ARHGEF7: variants seen among roughly 807,000 people sequenced by gnomAD.
ARHGEF7 encodes the protein Rho guanine nucleotide exchange factor 7.
In ARHGEF7, 33 loss-of-function variants were observed where a neutral mutation model predicts 109.8. The ratio of observed to expected loss-of-function variants is 0.30; its 90% CI spans 0.23 to 0.40. The LOEUF (loss-of-function observed/expected upper bound fraction) is 0.40. Ranked by LOEUF, ARHGEF7 falls within the 10% of genes least tolerant of loss-of-function variation. The pLI is 1.00. For missense variants in ARHGEF7, 938 were observed against 1,098.5 expected (o/e 0.85, Z 2.07); for synonymous variants, 458 against 424.6 (o/e 1.08, Z -0.97).
At chr13:111,251,315 G>C (rs891458085) in intron 8 of ARHGEF7, among the ~76,000 whole-genome samples, 9 of 152,322 alleles carry the variant, frequency 5.9e-5, no homozygotes, top group Admixed American at 5.2e-4. Context: ...TGTGGCTGGA[G>C]CCTGTGAATG....
chr13:111,166,066 A>G (rs1482721160), intron 2 of ARHGEF7, among the ~76,000 whole-genome samples: 1 of 152,084 alleles, frequency 6.6e-6, no homozygotes, highest in East Asian at 1.9e-4. Flanking sequence ...CTAACCCCAG[A>G]ATCTTGGCTT....
At chr13:111,262,807 C>T (rs896757011) in intron 8 of ARHGEF7, among the ~76,000 whole-genome samples, 1 of 152,200 alleles carries the variant, frequency 6.6e-6, no homozygotes, top group Non-Finnish European at 1.5e-5. Flanking sequence ...GTATGTGTGA[C>T]TCTAGCTGTC....
chr13:111,133,023 T>C (rs1481169646), intron 1 of ARHGEF7, among the ~76,000 whole-genome samples: 1 of 152,074 alleles, frequency 6.6e-6, no homozygotes, highest in African/African-American at 2.4e-5. Context: ...TATATACACA[T>C]GCACAGATAT....
chr13:111,168,651 C>T (rs1464069157), intron 2 of ARHGEF7, among the ~76,000 whole-genome samples: 11 of 152,154 alleles, frequency 7.2e-5, no homozygotes, highest in Admixed American at 7.2e-4. Flanking sequence ...AGTAAATTGT[C>T]CATTCCCACC....
chr13:111,275,539 G>T lies in ARHGEF7; in HGVS notation c.1280G>T (p.Cys427Phe). 6.2e-7 allele frequency: 1 copy of T among 1,613,852 alleles called. No homozygotes were observed. The highest frequency in any genetic ancestry group is 2.2e-5 in the East Asian group (1 of 44,878). ...TTGTTCTGTGTCTGTCAGGCCCAAT[G>T]TCAAGAAGTCCGGAAGAGGAAAGAG... Reference protein sequence around the residue: ...MAAFKNLSAQCQEVRKRKELE... With the variant: ...MAAFKNLSAQFQEVRKRKELE... Residue 427 changes from cysteine to phenylalanine, a missense_variant, in exon 12 of 22, where the codon TGT (cysteine) becomes TTT (phenylalanine). By Grantham distance (205) the Cys-to-Phe change is radical (BLOSUM62 -2). Transcript: ENST00000646102.
intron 19 of ARHGEF7, among the ~76,000 whole-genome samples, chr13:111,300,006 A>G (rs763955489): frequency 2.6e-5 from 4 of 152,150 alleles, no homozygotes; most frequent in Non-Finnish European, 4.4e-5. Context: ...TTAAGAAAAG[A>G]TTTTCTCCCT....
At chr13:111,207,463 T>C (rs3783094) in intron 3 of ARHGEF7, among the ~76,000 whole-genome samples, 69,418 of 152,170 alleles carry the variant, frequency 0.46, 16,548 homozygotes, top group South Asian at 0.56. Context: ...CCACCATGCC[T>C]GTCCTAAATG....
chr13:111,168,569 G>A (rs987268557), intron 2 of ARHGEF7, among the ~76,000 whole-genome samples: 16 of 152,160 alleles, frequency 1.1e-4, no homozygotes, highest in Non-Finnish European at 1.9e-4. Context: ...TTCAGGTTCA[G>A]TCTTGAAAGG....
At chr13:111,158,591 A>G (rs1012413367) in intron 2 of ARHGEF7, among the ~76,000 whole-genome samples, 2 of 152,244 alleles carry the variant, frequency 1.3e-5, no homozygotes, top group Non-Finnish European at 2.9e-5. Context: ...TTCAGAACAG[A>G]AATCTGCTCT....
At chr13:111,202,174 G>A (rs1411463159) in intron 2 of ARHGEF7, among the ~76,000 whole-genome samples, 2 of 152,182 alleles carry the variant, frequency 1.3e-5, no homozygotes, top group Non-Finnish European at 2.9e-5. Context: ...AAGTGTGTCT[G>A]TGCAGCCACC....
intron 2 of ARHGEF7, among the ~76,000 whole-genome samples, chr13:111,168,677 C>G (rs1024510469): frequency 1.3e-5 from 2 of 152,294 alleles, no homozygotes; most frequent in East Asian, 3.9e-4. Context: ...AAAAAAATCA[C>G]AGAATCACAA....
At chr13:111,301,592 A>C (rs1331946452) in intron 21 of ARHGEF7, 60 bp downstream of exon 21, 56 of 1,425,586 alleles carry the variant, frequency 3.9e-5, no homozygotes, top group Non-Finnish European at 5.3e-5. Context: ...AAAGAAGAAA[A>C]TTACATTAAA....
intron 2 of ARHGEF7, among the ~76,000 whole-genome samples, chr13:111,201,724 G>A (rs899733795): frequency 2.6e-5 from 4 of 152,060 alleles, no homozygotes; most frequent in East Asian, 1.9e-4. Flanking sequence ...GGTCTAAGGG[G>A]CCCAATGCAG....
At chr13:111,232,075 C>T (rs2086133912) in intron 5 of ARHGEF7, among the ~76,000 whole-genome samples, 1 of 152,112 alleles carries the variant, frequency 6.6e-6, no homozygotes, top group Non-Finnish European at 1.5e-5. Context: ...CAATGTTAGA[C>T]CTATCTGCCC....
chr13:111,190,633 A>G (rs2079773846), intron 2 of ARHGEF7, among the ~76,000 whole-genome samples: 1 of 152,128 alleles, frequency 6.6e-6, no homozygotes. Flanking sequence ...TTAACCCTAT[A>G]AGTAGGGGTA....
intron 12 of ARHGEF7, among the ~76,000 whole-genome samples, chr13:111,276,298 A>G (rs2092476656): frequency 6.6e-6 from 1 of 152,218 alleles, no homozygotes; most frequent in Non-Finnish European, 1.5e-5. Flanking sequence ...AACATGATCA[A>G]AACATGCGAA....
intron 4 of ARHGEF7, 22 bp from the exon 5 acceptor site, chr13:111,217,657 C>G (rs375511480): frequency 6.2e-7 from 1 of 1,600,154 alleles, no homozygotes; most frequent in African/African-American, 1.3e-5. Context: ...TAATTTTTCT[C>G]CCACTCTTCT....
intron 2 of ARHGEF7, among the ~76,000 whole-genome samples, chr13:111,156,029 G>T (rs2076295783): frequency 6.7e-6 from 1 of 148,642 alleles, no homozygotes; most frequent in Non-Finnish European, 1.5e-5. Flanking sequence ...AGGTTGCAGT[G>T]AGCTGAGATT....
At chr13:111,241,023 G>C in intron 6 of ARHGEF7, 1 of 875,340 alleles carries the variant, frequency 1.1e-6, no homozygotes, top group Non-Finnish European at 1.7e-6. Flanking sequence ...CTGTGTCTGC[G>C]AGGCACAGCA....
Sources: gnomAD v4.1 joint callset for allele counts (sites outside exome capture counted in the v4.1 genomes callset) on GRCh38, gnomAD v4.1.1 for gene constraint, MANE v1.5 for transcripts, NCBI Gene and HGNC (gene_info 2026-07-23, HGNC 2026-07-21) for gene names.